The following HIP1 variants were observed in gnomAD, a reference collection of about 807,000 sequenced individuals.
HIP1 encodes the protein huntingtin interacting protein 1, also known as huntingtin-interacting protein 1.
Under a neutral mutation model 147.6 loss-of-function variants are expected in HIP1, and 65 were observed. That is an observed-to-expected ratio of 0.44 (90% CI 0.36 to 0.54). The LOEUF is 0.54. Among genes scored for constraint, HIP1 ranks in the 20% least tolerant of loss-of-function variants. The pLI, the probability that HIP1 is intolerant of heterozygous loss-of-function variation, is 0.00. For synonymous variants in HIP1, 479 were observed against 504.0 expected (o/e 0.95, Z 0.67); for missense variants, 1,061 against 1,299.6 (o/e 0.82, Z 2.82).
chr7:75,678,988 C>T (rs1324829458), intron 1 of HIP1, among the ~76,000 whole-genome samples: 2 of 152,130 alleles, frequency 1.3e-5, no homozygotes. Context: ...AAAAACTAGG[C>T]CAGGCCTATC....
At chr7:75,575,800 G>A (rs1323203634) in intron 7 of HIP1, among the ~76,000 whole-genome samples, 6 of 152,034 alleles carry the variant, frequency 3.9e-5, no homozygotes, top group African/African-American at 1.2e-4. Flanking sequence ...GCAATGAAAT[G>A]ACTCTCCCCG....
chr7:75,630,357 G>A (rs1257931428), intron 1 of HIP1, among the ~76,000 whole-genome samples: 1 of 151,704 alleles, frequency 6.6e-6, no homozygotes, highest in Non-Finnish European at 1.5e-5. Context: ...TACTCGGGAG[G>A]CTGAGGTGGG....
chr7:75,642,514 C>T (rs1158310277), intron 1 of HIP1, among the ~76,000 whole-genome samples: 1 of 151,978 alleles, frequency 6.6e-6, no homozygotes. Flanking sequence ...CAGCTTGGGC[C>T]ACAGAGTGAG....
chr7:75,735,783 C>T (rs1487174022), intron 1 of HIP1, among the ~76,000 whole-genome samples: 2 of 151,832 alleles, frequency 1.3e-5, no homozygotes, highest in South Asian at 2.1e-4. Context: ...CTCTGCCTCC[C>T]GGGCTCAAGC....
Position 75,697,727 on chromosome 7 carries a change from G to A in HIP1, c.120+41074C>T, listed in dbSNP as rs574141412. 1.6e-3 allele frequency among the ~76,000 whole-genome samples: 242 copies of A among 152,172 alleles called. 2 individuals carry two copies. Among genetic ancestry groups the A allele is most frequent in the Non-Finnish European group, 2.4e-3 (160 of 68,026 alleles). ...TTTGGGAGGCTAAGGCAGAAGAATC[G>A]TTTGAGCCCAGGAGGCGGAGTTTGC... is the stretch of plus-strand genomic sequence containing the variant. On this transcript the variant is annotated intron_variant, in intron 1 of 30. Transcript: ENST00000336926.
chr7:75,655,377 G>A (rs1343271058), intron 1 of HIP1, among the ~76,000 whole-genome samples: 1 of 152,012 alleles, frequency 6.6e-6, no homozygotes, highest in Admixed American at 6.6e-5. Context: ...TCAGGAGTTC[G>A]AGTCCAGCCT....
intron 1 of HIP1, chr7:75,626,010 G>A (rs780690817): frequency 1.3e-5 from 2 of 152,020 alleles, no homozygotes; most frequent in East Asian, 1.9e-4. Context: ...GTGAGGATGC[G>A]GCGAGAAAAT....
chr7:75,720,152 TTTTGTTTGTTTG>T lies in HIP1; in HGVS notation c.120+18637_120+18648del, dbSNP rs376148572. Reference sequence around the variant, plus strand: ...TTTCAAGTTTTTTGTTTTGTTTTGTTTTTGTTTGTTTGTTTGTTTGTTTTTTGAAACAGAGTC... The same window carrying T: ...TTTCAAGTTTTTTGTTTTGTTTTGTTTTTGTTTGTTTTTTGAAACAGAGTC... On this transcript the variant is annotated intron_variant, in intron 1 of 30. Coordinates refer to ENST00000336926, the MANE Select transcript of HIP1 (RefSeq NM_005338.7). Among the ~76,000 whole-genome samples, 5 of 152,040 alleles carry T rather than the reference TTTTGTTTGTTTG, an allele frequency of 3.3e-5. No individual in the cohort carries two copies. In the East Asian group the frequency reaches 7.7e-4, roughly 24 times the overall value.
chr7:75,640,092 A>T (rs568678111), intron 1 of HIP1, among the ~76,000 whole-genome samples: 3 of 152,366 alleles, frequency 2.0e-5, no homozygotes, highest in Admixed American at 2.0e-4. Context: ...CAGTAGACAC[A>T]GCTGGTGGCC....
chr7:75,661,365 G>A (rs1328647910), intron 1 of HIP1, among the ~76,000 whole-genome samples: 3 of 151,338 alleles, frequency 2.0e-5, no homozygotes, highest in Non-Finnish European at 4.4e-5. Flanking sequence ...CTGAGGTCAG[G>A]AGCTTGAGAC....
chr7:75,616,766 C>T (rs75030876), intron 1 of HIP1, among the ~76,000 whole-genome samples: 7,238 of 152,316 alleles, frequency 0.048, 234 homozygotes, highest in Admixed American at 0.071. Context: ...CATACAGAGG[C>T]TGATTACTGG....
intron 14 of HIP1, among the ~76,000 whole-genome samples, chr7:75,559,117 A>G (rs1005040534): frequency 6.6e-6 from 1 of 152,166 alleles, no homozygotes; most frequent in East Asian, 1.9e-4. Context: ...GCTTTTTAAC[A>G]AATTTATTTG....
intron 1 of HIP1, among the ~76,000 whole-genome samples, chr7:75,675,134 A>T (rs1426843316): frequency 6.6e-6 from 1 of 151,884 alleles, no homozygotes; most frequent in Non-Finnish European, 1.5e-5. Context: ...TGTTCCTTAG[A>T]CTGAATAATC....
In HIP1 at chr7:75,592,063, C is replaced by A; in HGVS notation, c.377G>T (p.Arg126Met). 1 of 1,614,014 alleles carries A rather than the reference C, an allele frequency of 6.2e-7. No homozygotes were observed. Among genetic ancestry groups the A allele is most frequent in the Non-Finnish European group, 8.5e-7 (1 of 1,179,840 alleles). The change falls in exon 4 of 31, where the codon AGG becomes ATG. Residue 126 changes from arginine to methionine, a missense_variant. Coordinates refer to ENST00000336926, the MANE Select transcript of HIP1 (RefSeq NM_005338.7). ...RYRNELSDMSRMWGHLSEGYG... is the reference protein window; with the variant it reads ...RYRNELSDMSMMWGHLSEGYG... ...GTACATCTCCAAACTCACCCACATC[C>A]TGCTCATGTCACTCAATTCATTTCT...
intron 1 of HIP1, among the ~76,000 whole-genome samples, chr7:75,664,121 T>C (rs1193559843): frequency 1.3e-5 from 1 of 74,204 alleles, no homozygotes; most frequent in Non-Finnish European, 2.8e-5. Flanking sequence ...TATGCATATA[T>C]GCACACACAT....
At chr7:75,569,803 T>C (rs1461747759) in intron 8 of HIP1, among the ~76,000 whole-genome samples, 1 of 151,994 alleles carries the variant, frequency 6.6e-6, no homozygotes, top group Non-Finnish European at 1.5e-5. Context: ...TAAGGGAAGT[T>C]TGAGAAGTGA....
intron 1 of HIP1, among the ~76,000 whole-genome samples, chr7:75,618,562 C>T (rs1404847341): frequency 3.3e-5 from 5 of 152,148 alleles, no homozygotes; most frequent in Non-Finnish European, 7.4e-5. Flanking sequence ...GCCGGGATTA[C>T]AGGCATGAGC....
intron 1 of HIP1, among the ~76,000 whole-genome samples, chr7:75,726,703 CTTT>C (rs797038208): frequency 3.7e-5 from 5 of 133,426 alleles, no homozygotes; most frequent in Admixed American, 7.7e-5. Flanking sequence ...AAATGTTTTT[CTTT>C]TTTTTTTTTT....
intron 1 of HIP1, among the ~76,000 whole-genome samples, chr7:75,637,665 A>T (rs1231744235): frequency 6.7e-6 from 1 of 150,238 alleles, no homozygotes; most frequent in Non-Finnish European, 1.5e-5. Flanking sequence ...AACCATGAAC[A>T]GGTATTTCTC....
Sources: allele counts gnomAD v4.1 joint callset (sites outside exome capture counted in the v4.1 genomes callset), GRCh38; gene constraint gnomAD v4.1.1; transcripts MANE v1.5; gene names NCBI Gene and HGNC (gene_info 2026-07-23, HGNC 2026-07-21).